Variants in SH2D3C observed in about 807,000 individuals in gnomAD.
The protein encoded by SH2D3C is SH2 domain containing 3C, also known as SH2 domain-containing protein 3C.
A neutral mutation model predicts 75.2 loss-of-function variants in SH2D3C; 25 were observed. The observed-to-expected ratio is 0.33, with a 90% CI of 0.24 to 0.46. The LOEUF is 0.46. SH2D3C is among the 20% of genes least tolerant of loss of function. The probability of loss-of-function intolerance (pLI) is 1.00; values close to 1 mark genes in which losing one functional copy is unlikely to be tolerated. For missense variants in SH2D3C, 933 were observed against 1,165.3 expected (o/e 0.80, Z 2.90); for synonymous variants, 450 against 473.7 (o/e 0.95, Z 0.65).
chr9:127,740,462 GTTA>G (rs577745136), intron 9 of SH2D3C, 93 bp from the exon 10 acceptor site: 48 of 794,656 alleles, frequency 6.0e-5, no homozygotes, highest in South Asian at 4.4e-4. Flanking sequence ...ATGTGGGATC[GTTA>G]TTATTATTAT....
intron 2 of SH2D3C, among the ~76,000 whole-genome samples, chr9:127,762,623 C>T (rs1226357293): frequency 1.3e-5 from 2 of 152,234 alleles, no homozygotes; most frequent in Admixed American, 6.5e-5. Flanking sequence ...GAATCCTCTC[C>T]GCATGTCCAC....
intron 2 of SH2D3C, among the ~76,000 whole-genome samples, chr9:127,768,656 C>G (rs1845678763): frequency 6.6e-6 from 1 of 152,228 alleles, no homozygotes; most frequent in Non-Finnish European, 1.5e-5. Flanking sequence ...ACAGTGGGGC[C>G]TGCTGCTGCT....
At chr9:127,755,959 A>G (rs1277774100) in intron 3 of SH2D3C, among the ~76,000 whole-genome samples, 7 of 152,228 alleles carry the variant, frequency 4.6e-5, no homozygotes, top group Admixed American at 4.6e-4. Context: ...GCATGAAGTA[A>G]GCGCTCAATA....
At chr9:127,759,982 CAAA>C (rs562011072) in intron 3 of SH2D3C, among the ~76,000 whole-genome samples, 1 of 111,836 alleles carries the variant, frequency 8.9e-6, no homozygotes, top group Non-Finnish European at 1.9e-5. Flanking sequence ...GACTCCGTCT[CAAA>C]AAAAAAAAAA....
Position 127,759,019 on chromosome 9 carries a change from G to T in SH2D3C, c.555+2592C>A, listed in dbSNP as rs369855780. 1.4e-3 allele frequency among the ~76,000 whole-genome samples: 209 copies of T among 152,284 alleles called. 3 individuals carry two copies. The highest frequency in any genetic ancestry group is 4.5e-3 in the African/African-American group (187 of 41,572). ...GCCCGCCCTGTTCCAGGCCCAGGTC[G>T]CCCACTCACGGCCACGGGCTCACTG... On this transcript the variant is annotated intron_variant, in intron 3 of 11. Coordinates refer to ENST00000314830, the MANE Select transcript of SH2D3C (RefSeq NM_170600.3).
rs1341003602 is a variant in SH2D3C, at chr9:127,754,377, C to T, written c.556-3077G>A. Among the ~76,000 whole-genome samples, 2 of 152,072 alleles carry T rather than the reference C, an allele frequency of 1.3e-5. No individual in the cohort carries two copies. Among genetic ancestry groups the T allele is most frequent in the Non-Finnish European group, 2.9e-5 (2 of 67,958 alleles). ...CCCGGACAGGGTCTTAACCCCTTCC[C>T]GCCAGCCCGAGCCCAGCATCCCCTC... On this transcript the variant is annotated intron_variant, in intron 3 of 11. Transcript: ENST00000314830. The surrounding 1 kb of genome is among the most constrained non-coding windows in gnomAD (Gnocchi z 4.4).
At position 127,768,545 on chromosome 9, in the gene SH2D3C, G is replaced by A. The variant is rs139025370; in HGVS notation, c.515+5445C>T. ...GGCTGCAGCAAGCTATGATCGAGCCGCTGCACTCCAGCCTGGGCAACAGAA... is the reference window on the plus strand; with the variant it reads ...GGCTGCAGCAAGCTATGATCGAGCCACTGCACTCCAGCCTGGGCAACAGAA... On this transcript the variant is annotated intron_variant, in intron 2 of 11. Transcript: ENST00000314830. Among the ~76,000 whole-genome samples, 222 of 152,162 alleles carry A rather than the reference G, an allele frequency of 1.5e-3. 1 individual carries two copies. Among genetic ancestry groups the A allele is most frequent in the African/African-American group, 5.0e-3 (207 of 41,506 alleles).
intron 2 of SH2D3C, chr9:127,767,375 G>T (rs990135390): frequency 7.3e-7 from 1 of 1,374,944 alleles, no homozygotes; most frequent in East Asian, 2.5e-5. Flanking sequence ...ACTGAAGCTT[G>T]TAACTTGACC....
rs1845190571 is a variant in SH2D3C at position 127,751,142 on chromosome 9, G to C, written c.684+30C>G. ...CCAAGGCAGTGGGTGGGAGGGTCCC[G>C]GGTTGAAGTCCAGCTCGGGGCCTAC... On this transcript the variant is annotated intron_variant, in intron 4 of 11. Transcript: ENST00000314830. This position sits in a 1 kb window ranked among gnomAD's most constrained non-coding sequence, Gnocchi z 4.1. 1 of 1,611,214 alleles carries C rather than the reference G, an allele frequency of 6.2e-7. No individual in the cohort carries two copies. The highest frequency in any genetic ancestry group is 8.5e-7 in the Non-Finnish European group (1 of 1,179,200).
rs1449913977 is a variant in SH2D3C, at chr9:127,738,366, A to G, written c.*380T>C. 1.2e-5 allele frequency: 2 copies of G among 165,914 alleles called. No homozygotes were observed. The highest frequency in any genetic ancestry group is 2.6e-5 in the Non-Finnish European group (2 of 77,322). The allele number at this position is 165,914 out of a possible 1,614,324, so 10.3% of individuals were successfully genotyped here. A position where few individuals can be genotyped will look rare whatever the true frequency, so the allele number is the denominator to read the frequency against. On this transcript the variant is annotated 3_prime_UTR_variant, in exon 12 of 12. Coordinates refer to ENST00000314830, the MANE Select transcript of SH2D3C (RefSeq NM_170600.3). The surrounding 1 kb of genome is among the most constrained non-coding windows in gnomAD (Gnocchi z 5.0). ...ATGAAAGAAATAACATGGCTTCTGTACATCTATTTACAGAACAGAGACTTA... is the reference window on the plus strand; with the variant it reads ...ATGAAAGAAATAACATGGCTTCTGTGCATCTATTTACAGAACAGAGACTTA...
intron 2 of SH2D3C, among the ~76,000 whole-genome samples, chr9:127,768,987 C>G (rs899247893): frequency 3.3e-5 from 5 of 152,226 alleles, no homozygotes; most frequent in Non-Finnish European, 4.4e-5. Context: ...TAAATTGGCA[C>G]CACCAGCCAC....
chr9:127,765,795 AATTT>A (rs1278150688), intron 2 of SH2D3C, among the ~76,000 whole-genome samples: 2 of 152,178 alleles, frequency 1.3e-5, no homozygotes, highest in African/African-American at 4.8e-5. Context: ...TCCACTAATT[AATTT>A]ATTTATTCCT....
intron 3 of SH2D3C, among the ~76,000 whole-genome samples, chr9:127,756,914 G>A (rs1279585944): frequency 6.6e-5 from 10 of 152,016 alleles, no homozygotes; most frequent in African/African-American, 2.4e-4. Context: ...TTACAAGCAT[G>A]AGCCTCCACG....
intron 1 of SH2D3C, among the ~76,000 whole-genome samples, chr9:127,777,082 C>G (rs1042352607): frequency 1.3e-5 from 2 of 152,176 alleles, no homozygotes; most frequent in Non-Finnish European, 2.9e-5. Flanking sequence ...GCCCGTGTGA[C>G]CTCAAGCAAG....
At chr9:127,772,202 C>T (rs1312063213) in intron 2 of SH2D3C, among the ~76,000 whole-genome samples, 1 of 150,598 alleles carries the variant, frequency 6.6e-6, no homozygotes, top group African/African-American at 2.4e-5. Flanking sequence ...AGAAAGGTCC[C>T]AGAACTCTGG....
chr9:127,760,241 T>C (rs1251617303), intron 3 of SH2D3C, among the ~76,000 whole-genome samples: 3 of 152,192 alleles, frequency 2.0e-5, no homozygotes, highest in Admixed American at 2.0e-4. Context: ...GGGAGCCCTT[T>C]GAATTCAGGG....
chr9:127,764,338 A>T (rs1284337918), intron 2 of SH2D3C, among the ~76,000 whole-genome samples: 1 of 152,104 alleles, frequency 6.6e-6, no homozygotes, highest in Non-Finnish European at 1.5e-5. Context: ...GTCCAGTTAC[A>T]ATCCGCTGCC....
In SH2D3C at chr9:127,742,730, C is replaced by A. The variant is rs1844900249; in HGVS notation, c.1916+119G>T. 2.0e-5 allele frequency: 13 copies of A among 660,660 alleles called. No individual in the cohort carries two copies. The South Asian group carries it at 2.5e-4, about 13-fold the overall frequency. 40.9% of individuals were successfully genotyped at this position (660,660 alleles called of 1,614,324 possible). ...TGCGATTGGTCAATGGGATGGGAGG[C>A]GTGGCCAGAGCCCCCTGGGAGCCGA... On this transcript the variant is annotated intron_variant, in intron 8 of 11. Transcript: ENST00000314830.
intron 9 of SH2D3C, among the ~76,000 whole-genome samples, chr9:127,740,658 CTTG>C (rs1844827427): frequency 1.3e-5 from 2 of 152,154 alleles, no homozygotes; most frequent in South Asian, 2.1e-4. Flanking sequence ...CCTCTGGGAA[CTTG>C]TTGTTCTTAT....
Sources: gnomAD v4.1 joint callset for allele counts (sites outside exome capture counted in the v4.1 genomes callset) on GRCh38, gnomAD v4.1.1 for gene constraint, Gnocchi (gnomAD v3.1) non-coding constraint, MANE v1.5 for transcripts, NCBI Gene and HGNC (gene_info 2026-07-23, HGNC 2026-07-21) for gene names.